UIMC1: variants seen among roughly 807,000 people sequenced by gnomAD.
The protein encoded by UIMC1 is BRCA1-A complex subunit RAP80.
A neutral mutation model predicts 84.9 loss-of-function variants in UIMC1; 42 were observed. The ratio of observed to expected loss-of-function variants is 0.49; its 90% confidence interval spans 0.39 to 0.64. The LOEUF (loss-of-function observed/expected upper bound fraction) is 0.64. UIMC1 is among the 30% of genes least tolerant of loss of function. The pLI is 0.00. For missense variants in UIMC1, 825 were observed against 847.6 expected, an observed-to-expected ratio of 0.97 and a Z score of 0.33; for synonymous variants, 281 against 293.0, an observed-to-expected ratio of 0.96 and a Z score of 0.42.
intron 2 of UIMC1, among the ~76,000 whole-genome samples, chr5:176,977,119 A>G (rs1216349838): frequency 2.0e-5 from 3 of 151,784 alleles, no homozygotes; most frequent in African/African-American, 7.3e-5. Flanking sequence ...GCTACTCAGG[A>G]GACTGAGGCA....
chr5:176,980,663 G>A (rs1770897710), intron 2 of UIMC1, among the ~76,000 whole-genome samples: 1 of 151,532 alleles, frequency 6.6e-6, no homozygotes, highest in South Asian at 2.1e-4. Context: ...AAACATATAT[G>A]TATACAATTT....
chr5:176,911,487 C>T, intron 10 of UIMC1, 98 bp from the exon 11 acceptor site: 1 of 746,430 alleles, frequency 1.3e-6, no homozygotes. Flanking sequence ...AAGTTTAAAA[C>T]CTTATCCCAC....
intron 1 of UIMC1, among the ~76,000 whole-genome samples, chr5:176,987,257 T>C (rs572956353): frequency 6.6e-5 from 10 of 152,214 alleles, no homozygotes; most frequent in African/African-American, 2.4e-4. Flanking sequence ...ATCAAGGTTA[T>C]CTTGCCTTGT....
intron 1 of UIMC1, among the ~76,000 whole-genome samples, chr5:176,995,130 C>T (rs1773416705): frequency 6.6e-6 from 1 of 152,098 alleles, no homozygotes; most frequent in African/African-American, 2.4e-5. Context: ...TTCAATTCCA[C>T]TACTATTAAT....
intron 6 of UIMC1, among the ~76,000 whole-genome samples, chr5:176,959,442 C>T (rs1026393980): frequency 2.0e-5 from 3 of 152,154 alleles, no homozygotes; most frequent in Non-Finnish European, 2.9e-5. Flanking sequence ...ATTGGCCGGG[C>T]GCGGTGGCTC....
intron 9 of UIMC1, among the ~76,000 whole-genome samples, chr5:176,948,128 A>G (rs1010524815): frequency 1.3e-5 from 2 of 152,156 alleles, no homozygotes; most frequent in Admixed American, 1.3e-4. Flanking sequence ...ACTCTGAATA[A>G]CTTCTATTAG....
At chr5:176,951,067 T>A (rs2149454304) in intron 9 of UIMC1, among the ~76,000 whole-genome samples, 1 of 152,320 alleles carries the variant, frequency 6.6e-6, no homozygotes, top group Non-Finnish European at 1.5e-5. Context: ...TATGTATACA[T>A]CATAATATAA....
At chr5:176,941,015 T>C (rs997548870) in intron 10 of UIMC1, among the ~76,000 whole-genome samples, 3 of 152,210 alleles carry the variant, frequency 2.0e-5, no homozygotes, top group African/African-American at 4.8e-5. Flanking sequence ...TGTCACCCTA[T>C]ATGGGAACAT....
intron 10 of UIMC1, among the ~76,000 whole-genome samples, chr5:176,922,520 T>C (rs78446891): frequency 0.014 from 2,148 of 152,380 alleles, 25 homozygotes; most frequent in Admixed American, 0.027. Context: ...TCTCTGCTTT[T>C]AGTCTCCTCC....
rs1459430237 is a variant in UIMC1, at chr5:176,968,960, T to C, written c.795A>G (p.Lys265=). Residue 265 remains lysine, a synonymous_variant, in exon 6 of 15, where the codon AAA becomes AAG. Coordinates refer to ENST00000511320, the MANE Select transcript of UIMC1 (RefSeq NM_001199298.2). ...RHCLPTLADA[K]GLQDTGGTVN... is the part of the protein sequence containing the mutation. ...CAGTGCCCCCAGTGTCCTGGAGACC[T>C]TTGGCATCTGCTAGGGTAGGTAGAC... 1.9e-6 allele frequency: 3 copies of C among 1,614,174 alleles called. No homozygotes were observed. The highest frequency in any genetic ancestry group is 3.3e-5 in the Admixed American group (2 of 60,010).
At chr5:176,984,192 A>ATC (rs1771563988) in intron 1 of UIMC1, among the ~76,000 whole-genome samples, 2 of 31,926 alleles carry the variant, frequency 6.3e-5, no homozygotes, top group Non-Finnish European at 1.2e-4. Context: ...GCCGCCCCGA[A>ATC]TGGGAAGTGA....
At chr5:176,927,447 T>C (rs1284309787) in intron 10 of UIMC1, among the ~76,000 whole-genome samples, 2 of 151,936 alleles carry the variant, frequency 1.3e-5, no homozygotes, top group African/African-American at 2.4e-5. Context: ...AGAGATGGTG[T>C]TTCACCACAT....
At chr5:176,950,355 C>G (rs1293872564) in intron 9 of UIMC1, among the ~76,000 whole-genome samples, 1 of 151,052 alleles carries the variant, frequency 6.6e-6, no homozygotes, top group East Asian at 2.1e-4. Flanking sequence ...GCCTCACCCT[C>G]CCAAAGTGCT....
intron 8 of UIMC1, among the ~76,000 whole-genome samples, chr5:176,952,884 A>G (rs1352058953): frequency 6.6e-6 from 1 of 152,186 alleles, no homozygotes; most frequent in East Asian, 1.9e-4. Context: ...ATTATCTTTC[A>G]AAACCACCAA....
intron 8 of UIMC1, among the ~76,000 whole-genome samples, chr5:176,952,413 G>GGGTC (rs1766000138): frequency 6.6e-6 from 1 of 152,062 alleles, no homozygotes; most frequent in Non-Finnish European, 1.5e-5. Flanking sequence ...ATCTAAGATG[G>GGGTC]GGTCCCTTGT....
upstream of UIMC1, among the ~76,000 whole-genome samples, chr5:177,009,762 C>T (rs1313630751): frequency 6.6e-6 from 1 of 151,906 alleles, no homozygotes; most frequent in Non-Finnish European, 1.5e-5. This position sits in a 1 kb window ranked among gnomAD's most constrained non-coding sequence, Gnocchi z 4.3. Flanking sequence ...AGGCCTAGCA[C>T]GGTGACTCAC....
chr5:176,952,456 G>C (rs571391643), intron 8 of UIMC1, among the ~76,000 whole-genome samples: 46 of 152,290 alleles, frequency 3.0e-4, no homozygotes, highest in Non-Finnish European at 5.7e-4. Flanking sequence ...ACTAGATACA[G>C]CTCATGGGCC....
chr5:177,010,910 G>A (rs1775534481), upstream of UIMC1, among the ~76,000 whole-genome samples: 1 of 152,026 alleles, frequency 6.6e-6, no homozygotes. Context: ...AACCACTACT[G>A]GGCCAAGTGT....
rs1254517736 is a variant in UIMC1 at position 176,998,771 on chromosome 5, AAAAACAAAAAC to A, written c.-9+7868_-9+7878del. 1.4e-4 allele frequency among the ~76,000 whole-genome samples: 22 copies of A among 152,304 alleles called. No homozygotes were observed. In the East Asian group the frequency reaches 2.1e-3, roughly 15 times the overall value. On this transcript the variant is annotated intron_variant, in intron 1 of 14. Transcript: ENST00000511320. ...AATAAGAGCAAAACTCCGTCTCAAA[AAAAACAAAAAC>A]AAAACAAAACAAAAAATTATACAAA...
Sources: allele counts gnomAD v4.1 joint callset (sites outside exome capture counted in the v4.1 genomes callset), GRCh38; gene constraint gnomAD v4.1.1; non-coding constraint Gnocchi (gnomAD v3.1); transcripts MANE v1.5; gene names NCBI Gene and HGNC (gene_info 2026-07-23, HGNC 2026-07-21).